Variants in PAM observed in about 807,000 individuals in gnomAD.
The protein encoded by PAM is peptidyl-glycine alpha-amidating monooxygenase.
In PAM, 72 loss-of-function variants were observed where a neutral mutation model predicts 122.1. The ratio of observed to expected loss-of-function variants is 0.59; its 90% CI spans 0.49 to 0.72. PAM has a LOEUF of 0.72. Ranked by LOEUF, PAM falls within the 30% of genes least tolerant of loss-of-function variation. The pLI is 0.00. For synonymous variants in PAM, 389 were observed against 404.4 expected (o/e 0.96, Z 0.46); for missense variants, 1,106 against 1,183.7 (o/e 0.93, Z 0.96).
At position 102,758,068 on chromosome 5, in the gene PAM, ATTTTGTTT is replaced by A. The variant is rs1561362119; in HGVS notation, c.-374+2725_-374+2732del. 3.1e-4 allele frequency among the ~76,000 whole-genome samples: 27 copies of A among 87,628 alleles called. 1 individual carries two copies. The highest frequency in any genetic ancestry group is 1.1e-3 in the African/African-American group (26 of 23,108). 57.5% of individuals were successfully genotyped at this position (87,628 alleles called of 152,430 possible). On this transcript the variant is annotated intron_variant, in intron 1 of 25. Transcript: ENST00000438793. ...AAAAAAAAAAAAAAAAAGACTTAGA[ATTTTGTTT>A]TTTTTTTTTTTTTTTTTTTTTTTTT...
intron 15 of PAM, chr5:102,987,700 C>T (rs758118924): frequency 5.9e-5 from 20 of 341,264 alleles, no homozygotes; most frequent in African/African-American, 3.7e-4. Flanking sequence ...TCCCAATTGC[C>T]GGTAGCAGCC....
chr5:102,820,496 T>A (rs1488759925), intron 1 of PAM, among the ~76,000 whole-genome samples: 3 of 152,166 alleles, frequency 2.0e-5, no homozygotes, highest in African/African-American at 7.2e-5. Context: ...GAATGTGGGT[T>A]GATAATTATG....
chr5:103,004,917 T>C (rs1288206911), intron 17 of PAM, among the ~76,000 whole-genome samples: 2 of 152,236 alleles, frequency 1.3e-5, no homozygotes, highest in African/African-American at 4.8e-5. Flanking sequence ...TTGTAATTTA[T>C]ATGTAGGCTT....
intron 3 of PAM, among the ~76,000 whole-genome samples, chr5:102,881,157 G>A (rs996177822): frequency 1.0e-5 from 1 of 100,192 alleles, no homozygotes; most frequent in South Asian, 3.7e-4. Flanking sequence ...CACACACACA[G>A]AGACTTCTAA....
Position 102,757,094 on chromosome 5 carries a change from G to A in PAM, c.-374+1746G>A, listed in dbSNP as rs760359656. On this transcript the variant is annotated intron_variant, in intron 1 of 25. Coordinates refer to ENST00000438793, the MANE Select transcript of PAM (RefSeq NM_001177306.2). ...TGTAATCCCAGCACTTTGGGAGGCC[G>A]AGGCGGGCAAATCACAAGGTCAGAA... is the stretch of plus-strand genomic sequence containing the variant. Among the ~76,000 whole-genome samples, 161 of 152,306 alleles carry A rather than the reference G, an allele frequency of 1.1e-3. 1 individual carries two copies. The highest frequency in any genetic ancestry group is 3.8e-4 in the Non-Finnish European group (26 of 68,026).
At chr5:102,995,766 AT>A (rs940379769) in intron 16 of PAM, among the ~76,000 whole-genome samples, 3 of 151,506 alleles carry the variant, frequency 2.0e-5, no homozygotes, top group Admixed American at 6.6e-5. Context: ...GTCATACTGA[AT>A]TTTTTTTGTC....
intron 1 of PAM, among the ~76,000 whole-genome samples, chr5:102,787,446 G>A (rs1230206163): frequency 6.6e-6 from 1 of 151,866 alleles, no homozygotes; most frequent in Admixed American, 6.6e-5. Flanking sequence ...CAACTGTGGG[G>A]ACAAAACTGC....
At chr5:103,022,468 A>G (rs80304381) in intron 23 of PAM, among the ~76,000 whole-genome samples, 1 of 152,206 alleles carries the variant, frequency 6.6e-6, no homozygotes, top group African/African-American at 2.4e-5. Flanking sequence ...GTATATGTGC[A>G]CTCACACAGG....
intron 1 of PAM, among the ~76,000 whole-genome samples, chr5:102,842,741 C>G (rs1198014136): frequency 6.6e-6 from 1 of 152,094 alleles, no homozygotes; most frequent in African/African-American, 2.4e-5. Flanking sequence ...GAAACAACAA[C>G]AGTGTAATGA....
intron 1 of PAM, among the ~76,000 whole-genome samples, chr5:102,803,147 AAGG>A (rs1561486541): frequency 3.0e-3 from 3 of 1,014 alleles, no homozygotes; most frequent in African/African-American, 2.1e-3. Flanking sequence ...GAAAGAAAGA[AAGG>A]AAGGAAGGAA....
Position 103,017,433 on chromosome 5 carries a change from A to G in PAM, c.2431A>G (p.Lys811Glu). ...CGTGTGGAAGTTCACCTTGACTGAG[A>G]GTATGGTTTTCACAGTATTATTGTT... ...NTVWKFTLTE[K>E]LEHRSVKKAG... Residue 811 changes from lysine (K) to glutamate (E), a missense_variant and splice_region_variant, in exon 22 of 26, where the codon AAA (lysine) becomes GAA (glutamate). Lys to Glu is a moderately conservative substitution (Grantham distance 56). This residue lies in a region of PAM where 333 missense variants were observed against 335.6 expected (regional missense o/e 0.99). Transcript: ENST00000438793. 6.4e-7 allele frequency: 1 copy of G among 1,560,770 alleles called. No individual in the cohort carries two copies. Among genetic ancestry groups the G allele is most frequent in the Non-Finnish European group, 8.8e-7 (1 of 1,131,524 alleles).
chr5:103,022,872 T>G (rs1420875437), intron 23 of PAM, among the ~76,000 whole-genome samples: 1 of 152,170 alleles, frequency 6.6e-6, no homozygotes, highest in Non-Finnish European at 1.5e-5. Flanking sequence ...TAACTATTGT[T>G]TTAGGCATTT....
chr5:102,764,192 C>T (rs1753220107), intron 1 of PAM, among the ~76,000 whole-genome samples: 1 of 151,914 alleles, frequency 6.6e-6, no homozygotes, highest in Admixed American at 6.6e-5. Flanking sequence ...AAACTCTGAA[C>T]AGTACATAAA....
chr5:102,935,615 T>G (rs956870968), intron 7 of PAM, among the ~76,000 whole-genome samples: 2 of 152,126 alleles, frequency 1.3e-5, no homozygotes, highest in African/African-American at 4.8e-5. Flanking sequence ...CTCGACAGTT[T>G]TTCCAGTTTA....
At chr5:102,968,149 G>A (rs1357801487) in intron 14 of PAM, among the ~76,000 whole-genome samples, 1 of 152,182 alleles carries the variant, frequency 6.6e-6, no homozygotes, top group Non-Finnish European at 1.5e-5. Context: ...GAGAAACCCA[G>A]TTAAAGAATA....
chr5:102,940,496 T>G (rs1246757903), intron 7 of PAM, among the ~76,000 whole-genome samples: 4 of 136,694 alleles, frequency 2.9e-5, no homozygotes. Flanking sequence ...TATATATATA[T>G]ATCAGCTATA....
At chr5:102,781,723 G>A (rs1414846601) in intron 1 of PAM, among the ~76,000 whole-genome samples, 4 of 152,178 alleles carry the variant, frequency 2.6e-5, no homozygotes, top group African/African-American at 9.7e-5. Flanking sequence ...GGAAAAATAA[G>A]TGAGAAGGTC....
chr5:103,003,717 G>A (rs1251578304), intron 17 of PAM, among the ~76,000 whole-genome samples: 1 of 151,934 alleles, frequency 6.6e-6, no homozygotes, highest in Non-Finnish European at 1.5e-5. Flanking sequence ...TTACATACTT[G>A]ATTAAGTGAG....
intron 1 of PAM, among the ~76,000 whole-genome samples, chr5:102,761,194 G>A (rs1412710228): frequency 6.6e-6 from 1 of 152,172 alleles, no homozygotes; most frequent in African/African-American, 2.4e-5. Flanking sequence ...GTTTAAGAGG[G>A]TAGCTTCAAG....
Sources: gnomAD v4.1 joint callset for allele counts (sites outside exome capture counted in the v4.1 genomes callset) on GRCh38, gnomAD v4.1.1 for gene constraint, gnomAD v4.1.1 regional missense constraint, MANE v1.5 for transcripts, NCBI Gene and HGNC (gene_info 2026-07-23, HGNC 2026-07-21) for gene names.